SGCD: variants seen among roughly 807,000 people sequenced by gnomAD.
SGCD encodes the protein sarcoglycan delta, also known as delta-sarcoglycan.
In SGCD, 18 loss-of-function variants were observed where a neutral mutation model predicts 36.6. The observed-to-expected ratio is 0.49, with a 90% CI of 0.34 to 0.73. The LOEUF is 0.73. Ranked by LOEUF, SGCD falls within the 30% of genes least tolerant of loss-of-function variation. The pLI is 0.01. For missense variants in SGCD, 387 were observed against 346.7 expected (o/e 1.12, Z -0.92); for synonymous variants, 133 against 130.6 (o/e 1.02, Z -0.12).
At chr5:156,529,529 T>C (rs1331978650) in intron 4 of SGCD, among the ~76,000 whole-genome samples, 1 of 151,102 alleles carries the variant, frequency 6.6e-6, no homozygotes, top group Non-Finnish European at 1.5e-5. Context: ...AAAATGTTGC[T>C]GTAAAAAAAA....
intron 3 of SGCD, among the ~76,000 whole-genome samples, chr5:156,260,093 G>A (rs1581201894): frequency 2.0e-5 from 3 of 152,196 alleles, no homozygotes; most frequent in Non-Finnish European, 4.4e-5. Flanking sequence ...TTGGTTACCT[G>A]TACTCTCCAT....
At chr5:156,708,860 G>A (rs1754858150) in intron 7 of SGCD, among the ~76,000 whole-genome samples, 1 of 152,068 alleles carries the variant, frequency 6.6e-6, no homozygotes, top group Non-Finnish European at 1.5e-5. Context: ...GAAGTGACAA[G>A]ACAAAGGAAG....
At chr5:155,772,566 C>T in the SGCD span, among the ~76,000 whole-genome samples, 1 of 152,130 alleles carries the variant, frequency 6.6e-6, no homozygotes, top group Non-Finnish European at 1.5e-5. Flanking sequence ...GTTATAATGA[C>T]TCCTTTACTT....
At chr5:156,329,671 T>C in intron 2 of SGCD, 92 bp downstream of exon 2, 2 of 1,115,196 alleles carry the variant, frequency 1.8e-6, no homozygotes, top group South Asian at 1.4e-5. Context: ...AACAAAGTGT[T>C]ATATATGCCT....
chr5:156,006,486 C>T (rs1758762772), intron 1 of SGCD, among the ~76,000 whole-genome samples: 2 of 152,134 alleles, frequency 1.3e-5, no homozygotes, highest in African/African-American at 2.4e-5. Flanking sequence ...CTCTCTTCCT[C>T]CCAGGAAATG....
At chr5:155,811,809 G>A in the SGCD span, among the ~76,000 whole-genome samples, 4 of 152,240 alleles carry the variant, frequency 2.6e-5, no homozygotes, top group Admixed American at 6.5e-5. Context: ...GTGAGGGCAG[G>A]GGTAGGTTAG....
intron 3 of SGCD, among the ~76,000 whole-genome samples, chr5:156,223,567 A>G (rs143526371): frequency 2.2e-4 from 34 of 152,200 alleles, no homozygotes; most frequent in Non-Finnish European, 4.3e-4. Flanking sequence ...TTGATTTCTT[A>G]AGGTAACAGT....
At chr5:156,629,879 TAGA>T (rs1561825989) in intron 6 of SGCD, among the ~76,000 whole-genome samples, 24 of 144,072 alleles carry the variant, frequency 1.7e-4, no homozygotes, top group Non-Finnish European at 2.3e-4. Flanking sequence ...TTTTTTTTTT[TAGA>T]TGGAGTTTCA....
At chr5:155,908,873 A>C (rs1255822360) in intron 1 of SGCD, among the ~76,000 whole-genome samples, 1 of 152,112 alleles carries the variant, frequency 6.6e-6, no homozygotes, top group East Asian at 1.9e-4. Context: ...CAAAAAGCGC[A>C]ATCTACCTTG....
At chr5:155,907,118 C>T (rs1028045389) in intron 1 of SGCD, among the ~76,000 whole-genome samples, 1 of 148,280 alleles carries the variant, frequency 6.7e-6, no homozygotes, top group Non-Finnish European at 1.5e-5. Flanking sequence ...TCTGCCTGTG[C>T]TCTAGAAATG....
chr5:156,440,720 G>T (rs56302474), intron 3 of SGCD, among the ~76,000 whole-genome samples: 19 of 152,080 alleles, frequency 1.2e-4, no homozygotes, highest in African/African-American at 4.6e-4. Context: ...TGATAATTGA[G>T]CATAATTTCC....
At chr5:156,602,310 T>C (rs1761229509) in intron 6 of SGCD, among the ~76,000 whole-genome samples, 1 of 152,100 alleles carries the variant, frequency 6.6e-6, no homozygotes, top group African/African-American at 2.4e-5. Context: ...CCACAACTGA[T>C]TAGAATTGAC....
intron 1 of SGCD, among the ~76,000 whole-genome samples, chr5:156,100,998 G>C (rs537677355): frequency 6.6e-6 from 1 of 152,188 alleles, no homozygotes; most frequent in South Asian, 2.1e-4. Context: ...CTGGAGAGTG[G>C]AGCCCTCATG....
At chr5:156,724,290 A>G (rs1755659569) in intron 7 of SGCD, among the ~76,000 whole-genome samples, 1 of 152,162 alleles carries the variant, frequency 6.6e-6, no homozygotes, top group Non-Finnish European at 1.5e-5. Flanking sequence ...ATGGAGCAAG[A>G]TGTAACTGTG....
At chr5:155,940,232 A>C (rs1319174915) in intron 1 of SGCD, among the ~76,000 whole-genome samples, 1 of 152,150 alleles carries the variant, frequency 6.6e-6, no homozygotes, top group African/African-American at 2.4e-5. Context: ...ACTCCTCTTA[A>C]TGTACAGATC....
chr5:156,465,541 A>C (rs1308810010), intron 3 of SGCD, among the ~76,000 whole-genome samples: 10 of 151,898 alleles, frequency 6.6e-5, no homozygotes, highest in Non-Finnish European at 2.9e-5. Context: ...TCCTTTGGTA[A>C]CTCTCACTCC....
intron 3 of SGCD, among the ~76,000 whole-genome samples, chr5:156,185,344 A>C (rs1008306184): frequency 6.6e-6 from 1 of 150,798 alleles, no homozygotes; most frequent in Admixed American, 6.6e-5. Context: ...CCTCCCGAGT[A>C]GCTGGGACTA....
intron 7 of SGCD, among the ~76,000 whole-genome samples, chr5:156,750,114 A>G (rs1278385214): frequency 6.6e-6 from 1 of 152,166 alleles, no homozygotes; most frequent in Admixed American, 6.5e-5. Context: ...TATTATCTTA[A>G]TAGATATTCC....
At chr5:156,718,875 G>A (rs1581457570) in intron 7 of SGCD, among the ~76,000 whole-genome samples, 2 of 150,204 alleles carry the variant, frequency 1.3e-5, no homozygotes, top group Admixed American at 6.6e-5. Flanking sequence ...TCCCAGCTAC[G>A]TATTATATTA....
Sources: gnomAD v4.1 joint callset for allele counts (sites outside exome capture counted in the v4.1 genomes callset) on GRCh38, gnomAD v4.1.1 for gene constraint, MANE v1.5 for transcripts, NCBI Gene and HGNC (gene_info 2026-07-23, HGNC 2026-07-21) for gene names.